MGAT4C: variants seen among roughly 807,000 people sequenced by gnomAD.
MGAT4C encodes the protein MGAT4 family member C, also known as alpha-1,3-mannosyl-glycoprotein 4-beta-N-acetylglucosaminyltransferase C.
Under a neutral mutation model 40.1 loss-of-function variants are expected in MGAT4C, and 19 were observed. That is an observed-to-expected ratio of 0.47 (90% CI 0.33 to 0.70). The LOEUF (loss-of-function observed/expected upper bound fraction) is 0.70. Among genes scored for constraint, MGAT4C ranks in the 30% least tolerant of loss-of-function variants. MGAT4C has a pLI of 0.02. For missense variants in MGAT4C, 491 were observed against 563.2 expected (o/e 0.87, Z 1.30); for synonymous variants, 181 against 187.1 (o/e 0.97, Z 0.27).
At chr12:86,043,570 T>C (rs1478085382) in intron 2 of MGAT4C, among the ~76,000 whole-genome samples, 1 of 152,316 alleles carries the variant, frequency 6.6e-6, no homozygotes, top group African/African-American at 2.4e-5. Flanking sequence ...AGATTGAGAA[T>C]GGGTCTGCCT....
intron 3 of MGAT4C, among the ~76,000 whole-genome samples, chr12:86,410,804 A>C (rs1342878345): frequency 6.6e-6 from 1 of 152,206 alleles, no homozygotes; most frequent in Admixed American, 6.5e-5. Context: ...AAAAGTATTA[A>C]TTTTGGAAAC....
intron 1 of MGAT4C, among the ~76,000 whole-genome samples, chr12:86,211,613 C>G (rs1950474205): frequency 6.6e-6 from 1 of 151,144 alleles, no homozygotes; most frequent in Non-Finnish European, 1.5e-5. Context: ...CAAACACAAC[C>G]AATAAACAAA....
intron 4 of MGAT4C, among the ~76,000 whole-genome samples, chr12:86,328,711 A>G (rs1954583441): frequency 6.6e-6 from 1 of 152,112 alleles, no homozygotes; most frequent in South Asian, 2.1e-4. Flanking sequence ...AGAAGACTCA[A>G]TGTTTCTTTA....
intron 1 of MGAT4C, among the ~76,000 whole-genome samples, chr12:86,101,728 A>G (rs767836202): frequency 6.6e-6 from 1 of 151,880 alleles, no homozygotes; most frequent in Non-Finnish European, 1.5e-5. Context: ...AGAGAAGTGT[A>G]GCAGAGATAT....
At chr12:86,100,218 A>G (rs1874724521) in intron 1 of MGAT4C, among the ~76,000 whole-genome samples, 1 of 151,410 alleles carries the variant, frequency 6.6e-6, no homozygotes, top group Non-Finnish European at 1.5e-5. Context: ...TACTGTTACA[A>G]TGCATTGGAC....
intron 2 of MGAT4C, among the ~76,000 whole-genome samples, chr12:86,557,909 T>C (rs531465307): frequency 3.0e-4 from 46 of 151,944 alleles, no homozygotes; most frequent in South Asian, 2.1e-3. Flanking sequence ...TGAAAAATAA[T>C]AATCATATTA....
At chr12:86,430,029 C>A (rs1278209504) in intron 3 of MGAT4C, among the ~76,000 whole-genome samples, 1 of 151,994 alleles carries the variant, frequency 6.6e-6, no homozygotes, top group East Asian at 1.9e-4. Context: ...CTAGTTTTTT[C>A]TTCTGCTGTT....
intron 2 of MGAT4C, among the ~76,000 whole-genome samples, chr12:86,563,901 C>T (rs1457174456): frequency 6.6e-6 from 1 of 152,174 alleles, no homozygotes; most frequent in Admixed American, 6.5e-5. Flanking sequence ...ATAATTGGCA[C>T]TGACATACTT....
At chr12:86,469,823 C>T (rs1022927320) in intron 2 of MGAT4C, among the ~76,000 whole-genome samples, 6 of 152,114 alleles carry the variant, frequency 3.9e-5, no homozygotes, top group African/African-American at 1.4e-4. Context: ...TATGCACCAG[C>T]AGATGACCAA....
intron 4 of MGAT4C, among the ~76,000 whole-genome samples, chr12:86,322,971 G>A (rs1322900676): frequency 6.6e-6 from 1 of 151,882 alleles, no homozygotes; most frequent in African/African-American, 2.4e-5. Flanking sequence ...TTATTAAGAT[G>A]TTTATAAACT....
intron 2 of MGAT4C, among the ~76,000 whole-genome samples, chr12:86,014,221 T>C (rs1203279301): frequency 6.6e-6 from 1 of 152,172 alleles, no homozygotes; most frequent in Non-Finnish European, 1.5e-5. Context: ...ATACTTCCTT[T>C]AATTTTGGCA....
chr12:86,277,342 T>C (rs1320019842), intron 4 of MGAT4C, among the ~76,000 whole-genome samples: 1 of 152,246 alleles, frequency 6.6e-6, no homozygotes, highest in East Asian at 1.9e-4. Flanking sequence ...TTCATTGGGC[T>C]GTCTCCTCAC....
At chr12:86,356,520 G>A (rs1955314851) in intron 3 of MGAT4C, among the ~76,000 whole-genome samples, 1 of 152,086 alleles carries the variant, frequency 6.6e-6, no homozygotes, top group Admixed American at 6.6e-5. Flanking sequence ...AGCAGGGCAG[G>A]GCATCACTTC....
chr12:86,179,921 C>T (rs1409240819), intron 1 of MGAT4C, among the ~76,000 whole-genome samples: 1 of 152,202 alleles, frequency 6.6e-6, no homozygotes, highest in Non-Finnish European at 1.5e-5. Flanking sequence ...AGCAAAGATA[C>T]TAATGTTAAT....
Position 86,749,988 on chromosome 12 carries a change from A to G in MGAT4C, c.-261-22747T>C, listed in dbSNP as rs137998035. ...AGAATATCTCGCATATGGTTTGAGCATAGTAGGAATCAATGTATTTGTTGG... is the reference window on the plus strand; with the variant it reads ...AGAATATCTCGCATATGGTTTGAGCGTAGTAGGAATCAATGTATTTGTTGG... On this transcript the variant is annotated intron_variant, in intron 1 of 7. Coordinates refer to the MGAT4C transcript ENST00000548651. Among the ~76,000 whole-genome samples the G allele has an allele frequency of 1.5e-4, 22 of 150,628 alleles. No individual in the cohort carries two copies. The East Asian group carries it at 3.9e-3, about 27-fold the overall frequency.
Position 85,978,633 on chromosome 12 carries a change from T to G in MGAT4C, c.*656A>C, listed in dbSNP as rs561397399. On this transcript the variant is annotated 3_prime_UTR_variant, in exon 5 of 5. Transcript: ENST00000611864. ...AAAAGACTGCTTCCCCCAGAAAATT[T>G]ATCAACAATAGGTGCTCAATTAAAT... The G allele has an allele frequency of 1.3e-5, 2 of 152,136 alleles. No individual in the cohort carries two copies. Among genetic ancestry groups the G allele is most frequent in the Non-Finnish European group, 3.0e-5 (2 of 67,632 alleles). The allele number at this position is 152,136 out of a possible 1,614,324, so 9.4% of individuals were successfully genotyped here. A position where few individuals can be genotyped will look rare whatever the true frequency, so the allele number is the denominator to read the frequency against.
chr12:86,753,585 G>C (rs1435005265), intron 1 of MGAT4C, among the ~76,000 whole-genome samples: 1 of 151,776 alleles, frequency 6.6e-6, no homozygotes, highest in Non-Finnish European at 1.5e-5. Context: ...GATGGTCTCG[G>C]CAGTCACGCA....
At chr12:86,403,216 T>C (rs1221818479) in intron 3 of MGAT4C, among the ~76,000 whole-genome samples, 3 of 152,204 alleles carry the variant, frequency 2.0e-5, no homozygotes, top group Non-Finnish European at 4.4e-5. Context: ...CTTCCACCAT[T>C]GACATTGATT....
Position 86,675,798 on chromosome 12 carries a change from C to T in MGAT4C, c.-229+51411G>A, listed in dbSNP as rs570861843. Among the ~76,000 whole-genome samples, 22 of 152,064 alleles carry T rather than the reference C, an allele frequency of 1.4e-4. No homozygotes were observed. In the South Asian group the frequency reaches 4.6e-3, roughly 32 times the overall value. ...ATGAGGATAATGGAGATATCCATCACCTTAAATATTTGTCTTTTGTTCATA... is the reference window on the plus strand; with the variant it reads ...ATGAGGATAATGGAGATATCCATCATCTTAAATATTTGTCTTTTGTTCATA... On this transcript the variant is annotated intron_variant, in intron 2 of 7. Coordinates refer to the MGAT4C transcript ENST00000548651.
Sources: gnomAD v4.1 joint callset for allele counts (sites outside exome capture counted in the v4.1 genomes callset) on GRCh38, gnomAD v4.1.1 for gene constraint, MANE v1.5 for transcripts, NCBI Gene and HGNC (gene_info 2026-07-23, HGNC 2026-07-21) for gene names.